The following ZFHX3 variants were observed in gnomAD, a reference collection of about 807,000 sequenced individuals.
ZFHX3 encodes zinc finger homeobox protein 3.
ZFHX3 carries 42 observed loss-of-function variants against 279.1 expected under a neutral mutation model. The ratio of observed to expected loss-of-function variants is 0.15; its 90% confidence interval spans 0.12 to 0.19. ZFHX3 has a LOEUF of 0.19. ZFHX3 is among the 10% of genes least tolerant of loss of function. The pLI is 1.00. For missense variants in ZFHX3, 4,981 were observed against 4,754.0 expected (o/e 1.05, Z -1.40); for synonymous variants, 2,293 against 1,957.8 (o/e 1.17, Z -4.52).
chr16:73,015,040 C>CTTTTTTTT (rs67778248), intron 1 of ZFHX3: 14 of 95,116 alleles, frequency 1.5e-4, no homozygotes, highest in Non-Finnish European at 2.9e-4. Context: ...AGAGCTGTGT[C>CTTTTTTTT]TTTTTTTTTT....
At chr16:73,077,430 G>A (rs1965897724) in intron 8 of ZFHX3, among the ~76,000 whole-genome samples, 1 of 151,516 alleles carries the variant, frequency 6.6e-6, no homozygotes. Flanking sequence ...TTTAAAAATA[G>A]AGGCATTAGT....
At chr16:73,526,788 C>T (rs936392008) in intron 2 of ZFHX3, among the ~76,000 whole-genome samples, 3 of 151,944 alleles carry the variant, frequency 2.0e-5, no homozygotes, top group Admixed American at 1.3e-4. Context: ...CATTATCTTG[C>T]TTAAGGAGTT....
At chr16:73,110,109 C>T (rs1478632711) in intron 7 of ZFHX3, among the ~76,000 whole-genome samples, 2 of 151,534 alleles carry the variant, frequency 1.3e-5, no homozygotes, top group Non-Finnish European at 2.9e-5. Flanking sequence ...GAGGCTGAGG[C>T]AGGAGAATGG....
intron 2 of ZFHX3, among the ~76,000 whole-genome samples, chr16:73,577,491 A>G (rs567504339): frequency 9.8e-5 from 15 of 152,350 alleles, no homozygotes; most frequent in African/African-American, 3.6e-4. Context: ...CATAAATTGT[A>G]TAGCTATAGA....
intron 3 of ZFHX3, among the ~76,000 whole-genome samples, chr16:73,390,980 A>AT (rs879669022): frequency 0.017 from 2,542 of 146,842 alleles, 63 homozygotes; most frequent in African/African-American, 0.056. Flanking sequence ...CCCAGAAGCT[A>AT]TTTTTTTTTT....
At chr16:73,482,478 C>T (rs975418631) in intron 2 of ZFHX3, among the ~76,000 whole-genome samples, 5 of 152,106 alleles carry the variant, frequency 3.3e-5, no homozygotes, top group African/African-American at 4.8e-5. Flanking sequence ...TAGAGGGGTC[C>T]GGCCCCTCCC....
intron 7 of ZFHX3, among the ~76,000 whole-genome samples, chr16:73,104,919 T>C (rs1199040665): frequency 1.3e-5 from 2 of 152,164 alleles, no homozygotes; most frequent in African/African-American, 4.8e-5. Context: ...CACTTGACTG[T>C]GAGATCCCTA....
intron 7 of ZFHX3, among the ~76,000 whole-genome samples, chr16:73,109,232 A>G (rs1490461200): frequency 6.6e-6 from 1 of 152,218 alleles, no homozygotes; most frequent in East Asian, 1.9e-4. Flanking sequence ...ATGCGTGTGC[A>G]TAGGTTTCGT....
At chr16:73,213,330 C>G (rs766177136) in intron 5 of ZFHX3, among the ~76,000 whole-genome samples, 5 of 152,126 alleles carry the variant, frequency 3.3e-5, no homozygotes, top group Non-Finnish European at 7.4e-5. Context: ...ACTTTGACAC[C>G]CTGCCTCACC....
At chr16:73,585,863 T>C (rs1472899273) in intron 2 of ZFHX3, among the ~76,000 whole-genome samples, 3 of 151,876 alleles carry the variant, frequency 2.0e-5, no homozygotes, top group Non-Finnish European at 4.4e-5. Context: ...GATTAACTTA[T>C]ACGTAATTAA....
intron 1 of ZFHX3, among the ~76,000 whole-genome samples, chr16:73,776,664 G>A (rs1177050650): frequency 6.6e-6 from 1 of 152,114 alleles, no homozygotes; most frequent in Non-Finnish European, 1.5e-5. Context: ...ATTGGGATAA[G>A]GTAAAGTTAA....
chr16:73,888,564 C>T (rs2142421913), intron 1 of ZFHX3, among the ~76,000 whole-genome samples: 1 of 152,270 alleles, frequency 6.6e-6, no homozygotes, highest in Admixed American at 6.5e-5. Context: ...AATTGAACTA[C>T]AGAGAAAATA....
intron 3 of ZFHX3, among the ~76,000 whole-genome samples, chr16:73,417,731 G>C (rs986343073): frequency 6.6e-6 from 1 of 151,644 alleles, no homozygotes; most frequent in Non-Finnish European, 1.5e-5. Flanking sequence ...CTAGTACTTT[G>C]GGAGGCTGAA....
chr16:73,250,198 G>C (rs1384998379), intron 5 of ZFHX3, among the ~76,000 whole-genome samples: 1 of 152,188 alleles, frequency 6.6e-6, no homozygotes, highest in Non-Finnish European at 1.5e-5. Context: ...TCAAAGTAAT[G>C]TATCCCCTGA....
intron 5 of ZFHX3, among the ~76,000 whole-genome samples, chr16:73,255,719 G>T (rs759935583): frequency 4.6e-5 from 7 of 152,190 alleles, no homozygotes; most frequent in African/African-American, 1.4e-4. Flanking sequence ...CCTTAAAGAC[G>T]TAAGTCTTTT....
intron 1 of ZFHX3, among the ~76,000 whole-genome samples, chr16:73,817,898 C>A (rs568074198): frequency 6.6e-5 from 10 of 152,274 alleles, no homozygotes; most frequent in Admixed American, 1.3e-4. Flanking sequence ...TGTACCGAAC[C>A]CCCCTCAAAG....
At chr16:72,862,070 G>C (rs529806603) in intron 4 of ZFHX3, among the ~76,000 whole-genome samples, 51 of 152,290 alleles carry the variant, frequency 3.3e-4, no homozygotes, top group African/African-American at 1.2e-3. Flanking sequence ...GGTGTCCTCT[G>C]CTCCCTGAGA....
chr16:73,707,786 C>A (rs1035961935), intron 1 of ZFHX3, among the ~76,000 whole-genome samples: 1 of 151,188 alleles, frequency 6.6e-6, no homozygotes, highest in East Asian at 1.9e-4. Flanking sequence ...AAACTACATG[C>A]CATTTAAAGT....
In ZFHX3 at chr16:72,795,740, C is replaced by G; in HGVS notation, c.6942G>C (p.Glu2314Asp). The G allele has an allele frequency of 6.2e-7, 1 of 1,614,140 alleles. No individual in the cohort carries two copies. The highest frequency in any genetic ancestry group is 8.5e-7 in the Non-Finnish European group (1 of 1,180,028). The change falls in exon 9 of 10, where the codon GAG (glutamate) becomes GAC (aspartate). Residue 2314 changes from glutamate (E) to aspartate (D), a missense_variant. By Grantham distance (45) the Glu-to-Asp change is conservative (BLOSUM62 2). Around this residue, in one of 7 missense-constraint regions of ZFHX3, gnomAD observed 177 missense variants for 244.2 expected, o/e 0.72. Transcript: ENST00000268489. ...TTCGAATGTATCTATCATTTGTAAG[C>G]TCACGCCGCTCTCCATCTTTGCCCT... ...QGEGKDGERR[E>D]LTNDRYIRTS...
Sources: allele counts gnomAD v4.1 joint callset (sites outside exome capture counted in the v4.1 genomes callset), GRCh38; gene constraint gnomAD v4.1.1; regional missense constraint gnomAD v4.1.1; transcripts MANE v1.5; gene names NCBI Gene and HGNC (gene_info 2026-07-23, HGNC 2026-07-21).